SCUBE2: variants seen among roughly 807,000 people sequenced by gnomAD.
The protein encoded by SCUBE2 is signal peptide, CUB and EGF-like domain-containing protein 2.
In SCUBE2, 114 loss-of-function variants were observed where a neutral mutation model predicts 125.9. The observed-to-expected ratio is 0.91, with a 90% CI of 0.78 to 1.06. The LOEUF (loss-of-function observed/expected upper bound fraction) is 1.06. Ranked by LOEUF, SCUBE2 falls within the 50% of genes least tolerant of loss-of-function variation. The pLI, the probability that SCUBE2 is intolerant of heterozygous loss-of-function variation, is 0.00. For synonymous variants in SCUBE2, 459 were observed against 492.9 expected, an observed-to-expected ratio of 0.93 and a Z score of 0.91; for missense variants, 1,255 against 1,301.8, an observed-to-expected ratio of 0.96 and a Z score of 0.55.
intron 19 of SCUBE2, 65 bp from the exon 20 acceptor site, chr11:9,027,626 T>C (rs1339053687): frequency 1.4e-6 from 2 of 1,401,816 alleles, no homozygotes; most frequent in Non-Finnish European, 2.0e-6. Flanking sequence ...CACCGCTAGC[T>C]TGCCGAGCCC....
intron 2 of SCUBE2, among the ~76,000 whole-genome samples, chr11:9,083,156 T>C (rs1423672013): frequency 5.9e-5 from 9 of 151,710 alleles, no homozygotes; most frequent in Non-Finnish European, 1.2e-4. Flanking sequence ...AATTAATACA[T>C]GTTTAAGGAA....
intron 4 of SCUBE2, among the ~76,000 whole-genome samples, chr11:9,070,729 C>T (rs1860715268): frequency 6.6e-6 from 1 of 152,238 alleles, no homozygotes; most frequent in African/African-American, 2.4e-5. Flanking sequence ...CTCCAGCTCC[C>T]ACTCCAGAGC....
intron 4 of SCUBE2, among the ~76,000 whole-genome samples, chr11:9,073,166 GCCT>G (rs1222812644): frequency 2.0e-5 from 3 of 152,190 alleles, no homozygotes; most frequent in African/African-American, 4.8e-5. Flanking sequence ...TGTGCCACTG[GCCT>G]CCTAATTCAT....
In SCUBE2 at chr11:9,035,544, T is replaced by A. The variant is rs182961683; in HGVS notation, c.2003-1748A>T. Among the ~76,000 whole-genome samples, 631 of 152,200 alleles carry A rather than the reference T, an allele frequency of 4.1e-3. 3 individuals carry two copies. Among genetic ancestry groups the A allele is most frequent in the African/African-American group, 0.014 (598 of 41,532 alleles). On this transcript the variant is annotated intron_variant, in intron 16 of 22. Coordinates refer to ENST00000649792, the MANE Select transcript of SCUBE2 (RefSeq NM_001367977.2). ...TAAGCTGCCAAGAAATAGAAAAAAA[T>A]TACATGATAAAGTTAACTATTACAG...
At chr11:9,042,149 C>T (rs1356991744) in intron 16 of SCUBE2, among the ~76,000 whole-genome samples, 1 of 152,100 alleles carries the variant, frequency 6.6e-6, no homozygotes, top group African/African-American at 2.4e-5. Context: ...CACTTCTCTC[C>T]CTGGCCTCTG....
chr11:9,055,780 G>A lies in SCUBE2; in HGVS notation c.1207+13C>T, dbSNP rs1859020386. 1 of 1,604,412 alleles carries A rather than the reference G, an allele frequency of 6.2e-7. No homozygotes were observed. The highest frequency in any genetic ancestry group is 1.3e-5 in the African/African-American group (1 of 74,824). ...TCATTCCCCTCCCAACTTGACAGGG[G>A]CAGTCTGCTCACCTCCACAGTGGGT... On this transcript the variant is annotated intron_variant, in intron 10 of 22. Transcript: ENST00000649792.
At chr11:9,079,358 T>C (rs747400745) in intron 3 of SCUBE2, 26 bp downstream of exon 3, 15 of 1,613,440 alleles carry the variant, frequency 9.3e-6, no homozygotes, top group East Asian at 4.5e-5. Context: ...TGAAGGAGAA[T>C]TGCCATTTCC....
At chr11:9,069,243 T>G in intron 5 of SCUBE2, 127 bp downstream of exon 5, 5 of 1,192,662 alleles carry the variant, frequency 4.2e-6, no homozygotes, top group Non-Finnish European at 6.0e-6. Flanking sequence ...GAGGTCGGTA[T>G]CCCGTGCTAA....
rs779660839 is a variant in SCUBE2 at position 9,089,782 on chromosome 11, G to A, written c.181C>T (p.Leu61=). 6.2e-7 allele frequency: 1 copy of A among 1,614,016 alleles called. No homozygotes were observed. Among genetic ancestry groups the A allele is most frequent in the South Asian group, 1.1e-5 (1 of 91,062 alleles). The change falls in exon 2 of 23, where the codon CTG becomes TTG. Residue 61 remains leucine, a synonymous_variant. Coordinates refer to ENST00000649792, the MANE Select transcript of SCUBE2 (RefSeq NM_001367977.2). ...TAGGAGGTGGGTGTGTTCTGACACA[G>A]GGCGTCGGCATGGCAGTCATCTAGC... The part of the protein sequence containing the change: ...QGLDDCHADA[L]CQNTPTSYKC...
intron 16 of SCUBE2, among the ~76,000 whole-genome samples, chr11:9,043,236 A>G (rs1358911221): frequency 6.6e-6 from 1 of 152,204 alleles, no homozygotes; most frequent in Non-Finnish European, 1.5e-5. Context: ...CAAAACAACC[A>G]AATACAGTAT....
intron 5 of SCUBE2, among the ~76,000 whole-genome samples, chr11:9,068,646 C>T (rs780954587): frequency 1.3e-5 from 2 of 152,180 alleles, no homozygotes; most frequent in Non-Finnish European, 2.9e-5. Flanking sequence ...ATTAAGAGCA[C>T]AGCTTTAGAG....
At position 9,025,759 on chromosome 11, in the gene SCUBE2, T is replaced by C. The variant is rs1332162583; in HGVS notation, c.2797A>G (p.Lys933Glu). ...CTAGCGCTGTTCCCTTCATTGGACT[T>C]GAACTGAATCCACAGCTTCTTTGAC... is the stretch of plus-strand genomic sequence containing the variant. Reference protein sequence around the residue: ...SRSKKLWIQFKSNEGNSARGF... With the variant: ...SRSKKLWIQFESNEGNSARGF... The change falls in exon 21 of 23, where the codon AAG becomes GAG. Residue 933 changes from lysine (K) to glutamate (E), a missense_variant. By Grantham distance (56) the Lys-to-Glu change is moderately conservative (BLOSUM62 1). Coordinates refer to ENST00000649792, the MANE Select transcript of SCUBE2 (RefSeq NM_001367977.2). 7 of 1,614,084 alleles carry C rather than the reference T, an allele frequency of 4.3e-6. No homozygotes were observed. The highest frequency in any genetic ancestry group is 1.6e-4 in the Middle Eastern group (1 of 6,084).
At chr11:9,028,977 A>G (rs1856029571) in intron 19 of SCUBE2, among the ~76,000 whole-genome samples, 1 of 152,192 alleles carries the variant, frequency 6.6e-6, no homozygotes, top group African/African-American at 2.4e-5. Flanking sequence ...ACTTCCTTGC[A>G]ATAGAGAGAA....
At chr11:9,075,454 G>A (rs530475687) in intron 3 of SCUBE2, among the ~76,000 whole-genome samples, 1 of 152,294 alleles carries the variant, frequency 6.6e-6, no homozygotes, top group Non-Finnish European at 1.5e-5. Flanking sequence ...CAAAGGCTGG[G>A]AGGCATGAAG....
intron 7 of SCUBE2, among the ~76,000 whole-genome samples, chr11:9,065,553 T>G (rs1240737923): frequency 6.6e-6 from 1 of 152,154 alleles, no homozygotes; most frequent in East Asian, 1.9e-4. Context: ...AATGGGCGAA[T>G]ACCCTGGCCC....
chr11:9,066,497 C>T (rs762003888), intron 6 of SCUBE2, among the ~76,000 whole-genome samples, 200 bp downstream of exon 6: 1 of 152,210 alleles, frequency 6.6e-6, no homozygotes, highest in African/African-American at 2.4e-5. Flanking sequence ...GGAAGGGCTT[C>T]CCAAGGTCAC....
At chr11:9,061,641 T>G (rs1027690821) in intron 7 of SCUBE2, among the ~76,000 whole-genome samples, 1 of 151,362 alleles carries the variant, frequency 6.6e-6, no homozygotes, top group African/African-American at 2.4e-5. Context: ...AGATAGTACA[T>G]GTATGTTTAT....
chr11:9,081,054 T>A (rs75400650), intron 2 of SCUBE2, among the ~76,000 whole-genome samples: 2,281 of 152,330 alleles, frequency 0.015, 54 homozygotes, highest in African/African-American at 0.052. Context: ...CCATTTCACA[T>A]TCACTAGAAT....
chr11:9,033,007 A>G (rs1443357490), intron 17 of SCUBE2, among the ~76,000 whole-genome samples: 1 of 152,210 alleles, frequency 6.6e-6, no homozygotes, highest in Non-Finnish European at 1.5e-5. Context: ...GCCATCAGAT[A>G]TAAATCACCA....
Sources: allele counts gnomAD v4.1 joint callset (sites outside exome capture counted in the v4.1 genomes callset), GRCh38; gene constraint gnomAD v4.1.1; transcripts MANE v1.5; gene names NCBI Gene and HGNC (gene_info 2026-07-23, HGNC 2026-07-21).